Variants in ZGRF1 observed in about 807,000 individuals in gnomAD.
ZGRF1 encodes the protein 5'-3' DNA helicase ZGRF1.
In ZGRF1, 196 loss-of-function variants were observed where a neutral mutation model predicts 203.5. The observed-to-expected ratio is 0.96, with a 90% confidence interval of 0.86 to 1.08. The LOEUF is 1.08. Among genes scored for constraint, ZGRF1 ranks in the 50% least tolerant of loss-of-function variants. The pLI is 0.00. For missense variants in ZGRF1, 2,326 were observed against 2,416.3 expected (o/e 0.96, Z 0.78); for synonymous variants, 809 against 841.3 (o/e 0.96, Z 0.66).
Position 112,618,057 on chromosome 4 carries a change from G to C in ZGRF1, c.1985C>G (p.Ala662Gly), listed in dbSNP as rs564244204. ...DAVYGDNKED[A>G]NKPIQEVRIN... ...TCTGACTTCTTGAATAGGTTTATTAGCATCTTCTTTATTATCTCCGTATAC... is the reference window on the plus strand; with the variant it reads ...TCTGACTTCTTGAATAGGTTTATTACCATCTTCTTTATTATCTCCGTATAC... Residue 662 changes from alanine to glycine, a missense_variant, in exon 6 of 28, where the codon GCT (alanine) becomes GGT (glycine). By Grantham distance (60) the Ala-to-Gly change is moderately conservative (BLOSUM62 0). Transcript: ENST00000505019. 1 of 1,613,610 alleles carries C rather than the reference G, an allele frequency of 6.2e-7. No homozygotes were observed. Among genetic ancestry groups the C allele is most frequent in the African/African-American group, 1.3e-5 (1 of 75,018 alleles).
intron 16 of ZGRF1, among the ~76,000 whole-genome samples, chr4:112,573,357 G>A (rs1046704455): frequency 6.6e-6 from 1 of 152,008 alleles, no homozygotes; most frequent in Non-Finnish European, 1.5e-5. Context: ...AGTTATGAGG[G>A]TACAAAGGCA....
intron 17 of ZGRF1, 61 bp downstream of exon 17, chr4:112,563,070 G>T: frequency 7.1e-7 from 1 of 1,401,094 alleles, no homozygotes; most frequent in Non-Finnish European, 9.6e-7. Context: ...TAATCAAACA[G>T]TGCATCTTAT....
intron 3 of ZGRF1, 97 bp from the exon 4 acceptor site, chr4:112,623,973 C>A: frequency 3.0e-6 from 2 of 662,198 alleles, no homozygotes; most frequent in South Asian, 1.9e-5. Flanking sequence ...TATAAGTAAT[C>A]ATATAATGAA....
chr4:112,589,595 T>TA, intron 11 of ZGRF1, 129 bp downstream of exon 11: 13 of 785,102 alleles, frequency 1.7e-5, no homozygotes, highest in Non-Finnish European at 2.7e-5. Context: ...GGAAGAAAGG[T>TA]TATGGAAAGG....
At chr4:112,588,615 GA>G (rs1312998080) in intron 11 of ZGRF1, among the ~76,000 whole-genome samples, 1 of 152,054 alleles carries the variant, frequency 6.6e-6, no homozygotes, top group Non-Finnish European at 1.5e-5. Flanking sequence ...AAAAATCTAA[GA>G]AGCAGTAACT....
At chr4:112,606,532 A>G (rs1027864195) in intron 8 of ZGRF1, among the ~76,000 whole-genome samples, 1 of 151,990 alleles carries the variant, frequency 6.6e-6, no homozygotes, top group Non-Finnish European at 1.5e-5. Flanking sequence ...GTGGTGGCAC[A>G]TGCCTGTAAT....
At chr4:112,616,092 C>A (rs2046859232) in intron 6 of ZGRF1, among the ~76,000 whole-genome samples, 1 of 152,070 alleles carries the variant, frequency 6.6e-6, no homozygotes, top group Non-Finnish European at 1.5e-5. Flanking sequence ...GATTTGTGAA[C>A]TTTATAAATT....
intron 11 of ZGRF1, 76 bp from the exon 12 acceptor site, chr4:112,588,005 T>A (rs1747522682): frequency 9.4e-7 from 1 of 1,068,106 alleles, no homozygotes; most frequent in Non-Finnish European, 1.3e-6. Flanking sequence ...ACAGTGGGTA[T>A]ACAAAAGCAA....
chr4:112,618,914 T>G lies in ZGRF1; in HGVS notation c.1128A>C (p.Glu376Asp). 6.2e-7 allele frequency: 1 copy of G among 1,613,978 alleles called. No individual in the cohort carries two copies. Among genetic ancestry groups the G allele is most frequent in the Non-Finnish European group, 8.5e-7 (1 of 1,179,934 alleles). ...LSLQKIIQFVETYAEERKKYN... is the reference protein window; with the variant it reads ...LSLQKIIQFVDTYAEERKKYN... ...ACTTTTTCCTCTCTTCAGCATACGT[T>G]TCAACGAACTGTATAATTTTTTGTA... is the stretch of plus-strand genomic sequence containing the variant. Residue 376 changes from glutamate (E) to aspartate (D), a missense_variant, in exon 6 of 28, where the codon GAA (glutamate) becomes GAC (aspartate). Physicochemically the swap from Glu to Asp is conservative, Grantham distance 45. Transcript: ENST00000505019.
At chr4:112,603,477 C>A in intron 10 of ZGRF1, 47 bp downstream of exon 10, 1 of 1,373,642 alleles carries the variant, frequency 7.3e-7, no homozygotes, top group Non-Finnish European at 1.0e-6. Flanking sequence ...GTAGTATTAA[C>A]ATAAAGAAAA....
chr4:112,541,003 G>A (rs755115309), intron 25 of ZGRF1, 48 bp from the exon 26 acceptor site: 1 of 1,549,180 alleles, frequency 6.5e-7, no homozygotes, highest in South Asian at 1.2e-5. Flanking sequence ...AAAGGCTATG[G>A]AAAAACCAAG....
chr4:112,625,595 A>AAT (rs1352139538), intron 3 of ZGRF1, among the ~76,000 whole-genome samples: 4 of 148,628 alleles, frequency 2.7e-5, no homozygotes, highest in African/African-American at 9.9e-5. Context: ...CAAAAAAAAA[A>AAT]AAAAAAGAAA....
At chr4:112,591,573 C>T (rs778715769) in intron 10 of ZGRF1, among the ~76,000 whole-genome samples, 7 of 152,170 alleles carry the variant, frequency 4.6e-5, no homozygotes, top group Non-Finnish European at 8.8e-5. Flanking sequence ...CCTGTTTAAC[C>T]TCACTGCCTA....
chr4:112,563,349 T>C, intron 16 of ZGRF1, 75 bp from the exon 17 acceptor site: 3 of 1,102,200 alleles, frequency 2.7e-6, no homozygotes, highest in Non-Finnish European at 3.9e-6. Flanking sequence ...ATTATATATA[T>C]TTGCATATGT....
At position 112,549,778 on chromosome 4, in the gene ZGRF1, TA is replaced by T. The variant is rs1008938594; in HGVS notation, c.5347-1399del. 8.6e-3 allele frequency among the ~76,000 whole-genome samples: 1,258 copies of T among 145,614 alleles called. 12 individuals carry two copies. The highest frequency in any genetic ancestry group is 0.028 in the African/African-American group (1,106 of 39,968). ...TATTTTAGAATGTACTCCTACTTCT[TA>T]AAAAAAAAAAAGTTGGCTATAAAAC... On this transcript the variant is annotated intron_variant, in intron 22 of 27. Transcript: ENST00000505019.
intron 7 of ZGRF1, among the ~76,000 whole-genome samples, chr4:112,609,993 G>T (rs979822206): frequency 6.6e-6 from 1 of 150,932 alleles, no homozygotes; most frequent in South Asian, 2.1e-4. Context: ...GTAACAGTTA[G>T]TTAGGTATGG....
In ZGRF1 at chr4:112,615,633, C is replaced by CTT. The variant is rs1190163561; in HGVS notation, c.2602+1805_2602+1806dup. Among the ~76,000 whole-genome samples, 63 of 139,132 alleles carry CTT rather than the reference C, an allele frequency of 4.5e-4. No individual in the cohort carries two copies. In the East Asian group the frequency reaches 0.013, roughly 28 times the overall value. 91.3% of individuals were successfully genotyped at this position (139,132 alleles called of 152,430 possible). Reference sequence around the variant, plus strand: ...ATTTATTTTTCATTAAAGCTTTTTACTTTTTTTTTTTTTTTTAAGATGGGA... The same window carrying CTT: ...ATTTATTTTTCATTAAAGCTTTTTACTTTTTTTTTTTTTTTTTTAAGATGGGA... On this transcript the variant is annotated intron_variant, in intron 6 of 27. Coordinates refer to ENST00000505019, the MANE Select transcript of ZGRF1 (RefSeq NM_018392.5).
intron 24 of ZGRF1, among the ~76,000 whole-genome samples, chr4:112,545,637 T>C (rs960791919): frequency 1.7e-4 from 26 of 152,336 alleles, no homozygotes; most frequent in East Asian, 3.9e-4. Context: ...TGGGTATGTA[T>C]TGAACTGAAA....
In ZGRF1 at chr4:112,563,315, C is replaced by T. The variant is rs182036970; in HGVS notation, c.4439-41G>A. On this transcript the variant is annotated intron_variant, in intron 16 of 27. Transcript: ENST00000505019. ...TTTTTAAATATTACACAGACATATA[C>T]AGTATGGTTTTATATTTTTAGAAAT... 3,934 of 1,444,402 alleles carry T rather than the reference C, an allele frequency of 2.7e-3. 131 individuals carry two copies. In the South Asian group the frequency reaches 0.048, roughly 18 times the overall value. 89.5% of individuals were successfully genotyped at this position (1,444,402 alleles called of 1,614,324 possible). A position where few individuals can be genotyped will look rare whatever the true frequency, so the allele number is the denominator to read the frequency against.
Sources: allele counts gnomAD v4.1 joint callset (sites outside exome capture counted in the v4.1 genomes callset), GRCh38; gene constraint gnomAD v4.1.1; transcripts MANE v1.5; gene names NCBI Gene and HGNC (gene_info 2026-07-23, HGNC 2026-07-21).